The following PCF11 variants were observed in gnomAD, a reference collection of about 807,000 sequenced individuals.
PCF11 encodes PCF11 cleavage and polyadenylation factor subunit, also known as pre-mRNA cleavage complex 2 protein Pcf11.
PCF11 carries 19 observed loss-of-function variants against 166.1 expected under a neutral mutation model. That is an observed-to-expected ratio of 0.11 (90% CI 0.08 to 0.17). The LOEUF is 0.17. PCF11 is among the 10% of genes least tolerant of loss of function. The probability of loss-of-function intolerance (pLI) is 1.00; values close to 1 mark genes in which losing one functional copy is unlikely to be tolerated. For missense variants in PCF11, 1,565 were observed against 1,855.5 expected, an observed-to-expected ratio of 0.84 and a Z score of 2.88; for synonymous variants, 663 against 644.1, an observed-to-expected ratio of 1.03 and a Z score of -0.44.
intron 11 of PCF11, among the ~76,000 whole-genome samples, chr11:83,178,640 C>T (rs1321715065): frequency 6.6e-5 from 10 of 151,626 alleles, no homozygotes; most frequent in South Asian, 2.1e-4. Flanking sequence ...GGTGAAACCC[C>T]GTCTCTACTA....
At chr11:83,161,977 G>A (rs1860274791) in intron 2 of PCF11, among the ~76,000 whole-genome samples, 1 of 152,182 alleles carries the variant, frequency 6.6e-6, no homozygotes, top group Non-Finnish European at 1.5e-5. Context: ...TGGTATGTGT[G>A]AATGGTGGAC....
rs1860532450 is a variant in PCF11, at chr11:83,167,961, A to G, written c.2092+456A>G. ...CACAGCAGTGAAGGGAAAATGAACA[A>G]GCTAAGTGGGGATGGATTTTTGTGA... On this transcript the variant is annotated intron_variant, in intron 7 of 15. Coordinates refer to ENST00000298281, the Ensembl canonical transcript of PCF11. This position sits in a 1 kb window ranked among gnomAD's most constrained non-coding sequence, Gnocchi z 4.2. 8.5e-7 allele frequency: 1 copy of G among 1,175,720 alleles called. No individual in the cohort carries two copies. The highest frequency in any genetic ancestry group is 1.1e-6 in the Non-Finnish European group (1 of 918,966). The allele number at this position is 1,175,720 out of a possible 1,614,324, so 72.8% of individuals were successfully genotyped here. A position where few individuals can be genotyped will look rare whatever the true frequency, so the allele number is the denominator to read the frequency against.
exon 5 of PCF11, chr11:83,165,829 A>G: frequency 6.2e-7 from 1 of 1,609,686 alleles, no homozygotes; most frequent in Non-Finnish European, 8.5e-7. Flanking sequence ...GGAAAAGATC[A>G]GAGTCACAGG....
At chr11:83,181,310 T>C (rs1861075768) in intron 12 of PCF11, 119 bp downstream of exon 12, 2 of 298,994 alleles carry the variant, frequency 6.7e-6, no homozygotes, top group African/African-American at 4.4e-5. Flanking sequence ...ATAATTTTAA[T>C]AACTGCTGGA....
exon 8 of PCF11, chr11:83,168,761 C>T (rs768710624): frequency 2.0e-5 from 33 of 1,613,812 alleles, no homozygotes; most frequent in Non-Finnish European, 2.6e-5. Flanking sequence ...TTTGAGGGGC[C>T]ACAAGGTCAG....
chr11:83,167,346 C>G lies in PCF11; in HGVS notation c.2001+38C>G, dbSNP rs1860503167. 9.7e-6 allele frequency: 15 copies of G among 1,549,838 alleles called. No homozygotes were observed. Among genetic ancestry groups the G allele is most frequent in the Non-Finnish European group, 1.3e-5 (15 of 1,149,784 alleles). ...ATTAATCCCATGTAGTCATCATTAT[C>G]TATCGTCTATTTTTTTGGTATTTTT... On this transcript the variant is annotated intron_variant, in intron 6 of 15. Transcript: ENST00000298281. This position sits in a 1 kb window ranked among gnomAD's most constrained non-coding sequence, Gnocchi z 4.2.
chr11:83,172,422 T>C (rs1860719865), intron 9 of PCF11, among the ~76,000 whole-genome samples: 1 of 152,044 alleles, frequency 6.6e-6, no homozygotes, highest in Non-Finnish European at 1.5e-5. Flanking sequence ...ATTTTAGTTT[T>C]ATTTATTTAT....
chr11:83,173,370 G>A (rs961488426), intron 9 of PCF11, among the ~76,000 whole-genome samples: 1 of 151,962 alleles, frequency 6.6e-6, no homozygotes, highest in Non-Finnish European at 1.5e-5. Context: ...CAGGAGAATC[G>A]CTTGAACCCA....
exon 10 of PCF11, chr11:83,177,089 C>A: frequency 6.7e-7 from 1 of 1,482,488 alleles, no homozygotes; most frequent in Non-Finnish European, 9.0e-7. Context: ...TGTTAGGAGC[C>A]CTCCCTAAGG....
rs1590926605 is a variant in PCF11, at chr11:83,167,328, C to G, written c.2001+20C>G. ...CAAAAGGTAGTTACTATGATTAATC[C>G]CATGTAGTCATCATTATCTATCGTC... On this transcript the variant is annotated intron_variant, in intron 6 of 15. Coordinates refer to ENST00000298281, the Ensembl canonical transcript of PCF11. The surrounding 1 kb of genome is among the most constrained non-coding windows in gnomAD (Gnocchi z 4.2). 1.3e-6 allele frequency: 2 copies of G among 1,583,636 alleles called. No homozygotes were observed. Among genetic ancestry groups the G allele is most frequent in the East Asian group, 4.5e-5 (2 of 44,428 alleles).
intron 1 of PCF11, 40 bp downstream of exon 1, chr11:83,157,671 T>C (rs1296464005): frequency 6.4e-7 from 1 of 1,561,338 alleles, no homozygotes; most frequent in Non-Finnish European, 8.8e-7. Context: ...CTTCTAATAC[T>C]CCCTGATTTT....
chr11:83,184,186 A>G (rs1314422826), intron 15 of PCF11: 1 of 151,800 alleles, frequency 6.6e-6, no homozygotes, highest in African/African-American at 2.4e-5. Flanking sequence ...TCAAATGGTC[A>G]TATTTGTAGT....
rs1200280168 is a variant in PCF11 at position 83,169,742 on chromosome 11, A to G, written c.3407A>G (p.Asn1136Ser). The G allele has an allele frequency of 1.9e-6, 3 of 1,613,818 alleles. No individual in the cohort carries two copies. The East Asian group carries it at 6.7e-5, about 36-fold the overall frequency. ...TCTTTCAATCAGACTGGTCCATATA[A>G]TGATCCACCTGGCAATGCTTTTAAT... Residue 1136 changes from asparagine (N) to serine (S), a missense_variant, in exon 8 of 16, where the codon AAT (asparagine) becomes AGT (serine). Transcript: ENST00000298281.
chr11:83,181,856 C>A, exon 13 of PCF11: 1 of 1,595,658 alleles, frequency 6.3e-7, no homozygotes, highest in South Asian at 1.1e-5. Context: ...CTTTTAAGGA[C>A]TGGATAGAAT....
chr11:83,167,862 G>A lies in PCF11; in HGVS notation c.2092+357G>A. The A allele has an allele frequency of 7.6e-7, 1 of 1,310,996 alleles. No homozygotes were observed. The highest frequency in any genetic ancestry group is 1.2e-5 in the South Asian group (1 of 81,206). 81.2% of individuals were successfully genotyped at this position (1,310,996 alleles called of 1,614,324 possible). A position where few individuals can be genotyped will look rare whatever the true frequency, so the allele number is the denominator to read the frequency against. On this transcript the variant is annotated intron_variant, in intron 7 of 15. Coordinates refer to ENST00000298281, the Ensembl canonical transcript of PCF11. The surrounding 1 kb of genome is among the most constrained non-coding windows in gnomAD (Gnocchi z 4.2). ...TGCTGAGAATCTTTCACCCCATGAGGGCCGGAGAAGACATGACGAGCAAGT... is the reference window on the plus strand; with the variant it reads ...TGCTGAGAATCTTTCACCCCATGAGAGCCGGAGAAGACATGACGAGCAAGT...
At position 83,159,362 on chromosome 11, in the gene PCF11, A is replaced by G. The variant is rs186507416; in HGVS notation, c.192+1731A>G. On this transcript the variant is annotated intron_variant, in intron 1 of 15. Transcript: ENST00000298281. ...AAGCACTTGTGTTTTTAAGGCAAAAACATTGATTTTTAAAATCTAATTACC... is the reference window on the plus strand; with the variant it reads ...AAGCACTTGTGTTTTTAAGGCAAAAGCATTGATTTTTAAAATCTAATTACC... Among the ~76,000 whole-genome samples the G allele has an allele frequency of 1.6e-3, 242 of 152,304 alleles. 2 individuals are homozygous for G. The highest frequency in any genetic ancestry group is 5.1e-3 in the African/African-American group (212 of 41,568).
intron 9 of PCF11, among the ~76,000 whole-genome samples, chr11:83,176,279 G>A (rs192419774): frequency 6.6e-6 from 1 of 152,270 alleles, no homozygotes; most frequent in East Asian, 1.9e-4. Context: ...CCAGTGTGGT[G>A]ATTCCTCAAG....
chr11:83,182,050 C>T (rs1204556071), intron 13 of PCF11, 41 bp downstream of exon 13: 1 of 1,520,334 alleles, frequency 6.6e-7, no homozygotes, highest in East Asian at 2.3e-5. Context: ...GTGGGAGTGT[C>T]CCTCACTTCC....
At chr11:83,184,496 C>A (rs1219152457) in intron 15 of PCF11, 183 bp from the exon 16 acceptor site, 31 of 570,784 alleles carry the variant, frequency 5.4e-5, no homozygotes, top group Non-Finnish European at 8.9e-5. Context: ...ACATATTGAA[C>A]GTGCAATATA....
Sources: gnomAD v4.1 joint callset for allele counts (sites outside exome capture counted in the v4.1 genomes callset) on GRCh38, gnomAD v4.1.1 for gene constraint, Gnocchi (gnomAD v3.1) non-coding constraint, MANE v1.5 for transcripts, NCBI Gene and HGNC (gene_info 2026-07-23, HGNC 2026-07-21) for gene names.